PRDM16: variants seen among roughly 807,000 people sequenced by gnomAD.
The protein encoded by PRDM16 is histone-lysine N-methyltransferase PRDM16.
PRDM16 carries 23 observed loss-of-function variants against 110.6 expected under a neutral mutation model. The ratio of observed to expected loss-of-function variants is 0.21; its 90% CI spans 0.15 to 0.29. PRDM16 has a LOEUF of 0.29. PRDM16 is among the 10% of genes least tolerant of loss of function. The pLI is 1.00. For synonymous variants in PRDM16, 799 were observed against 781.8 expected, an observed-to-expected ratio of 1.02 and a Z score of -0.37; for missense variants, 1,615 against 1,794.3, an observed-to-expected ratio of 0.90 and a Z score of 1.81.
intron 1 of PRDM16, among the ~76,000 whole-genome samples, chr1:3,167,547 G>T (rs988705899): frequency 1.3e-5 from 2 of 151,786 alleles, no homozygotes; most frequent in Admixed American, 1.3e-4. Context: ...TCCTCCCAGC[G>T]CCTCTGTGGC....
At chr1:3,315,797 A>T (rs1042338175) in intron 3 of PRDM16, among the ~76,000 whole-genome samples, 1 of 152,152 alleles carries the variant, frequency 6.6e-6, no homozygotes, top group Admixed American at 6.5e-5. Flanking sequence ...TTTGCTGGCC[A>T]CCAATCGGAG....
intron 9 of PRDM16, 86 bp from the exon 10 acceptor site, chr1:3,414,474 A>G: frequency 1.0e-6 from 1 of 972,898 alleles, no homozygotes; most frequent in Non-Finnish European, 1.6e-6. Context: ...GTATATGGTC[A>G]GGCGGGGTGG....
At chr1:3,102,259 C>T (rs1288612020) in intron 1 of PRDM16, among the ~76,000 whole-genome samples, 1 of 152,174 alleles carries the variant, frequency 6.6e-6, no homozygotes, top group Admixed American at 6.5e-5. Flanking sequence ...GGAGGGGACT[C>T]AGGGGAGGGA....
At chr1:3,408,515 CGTGT>C (rs199502546) in intron 8 of PRDM16, among the ~76,000 whole-genome samples, 12 of 148,750 alleles carry the variant, frequency 8.1e-5, no homozygotes, top group East Asian at 5.9e-4. Context: ...TGCACCGGTG[CGTGT>C]GTGTGTGAGA....
intron 1 of PRDM16, among the ~76,000 whole-genome samples, chr1:3,092,096 G>A (rs1642290127): frequency 6.8e-6 from 1 of 148,038 alleles, no homozygotes; most frequent in Non-Finnish European, 1.5e-5. Context: ...TGCTCCCTGG[G>A]CCCCCATGTC....
In PRDM16 at chr1:3,131,100, C is replaced by T. The variant is rs1011827177; in HGVS notation, c.38-55025C>T. Among the ~76,000 whole-genome samples the T allele has an allele frequency of 6.6e-5, 10 of 152,244 alleles. No homozygotes were observed. The East Asian group carries it at 1.9e-3, about 29-fold the overall frequency. ...CGCCATGGTGTGTGGCTGGCTCTGCCCTTGGCTTCCTCCGAGCTGTGCCGC... is the reference window on the plus strand; with the variant it reads ...CGCCATGGTGTGTGGCTGGCTCTGCTCTTGGCTTCCTCCGAGCTGTGCCGC... On this transcript the variant is annotated intron_variant, in intron 1 of 16. Coordinates refer to ENST00000270722, the MANE Select transcript of PRDM16 (RefSeq NM_022114.4).
chr1:3,113,235 C>T (rs1399564485), intron 1 of PRDM16, among the ~76,000 whole-genome samples: 2 of 152,210 alleles, frequency 1.3e-5, no homozygotes, highest in African/African-American at 4.8e-5. Flanking sequence ...AGCCCGTCTG[C>T]GGTGGCCTGG....
intron 6 of PRDM16, among the ~76,000 whole-genome samples, 182 bp from the exon 7 acceptor site, chr1:3,404,557 C>T (rs1026948203): frequency 5.3e-5 from 8 of 152,224 alleles, no homozygotes; most frequent in Admixed American, 4.6e-4. Context: ...GCCGCCTCTG[C>T]CCCTCACAGC....
At chr1:3,234,377 A>G (rs946865006) in intron 2 of PRDM16, among the ~76,000 whole-genome samples, 7 of 152,134 alleles carry the variant, frequency 4.6e-5, no homozygotes, top group Admixed American at 1.3e-4. Context: ...TCCCCGCCCC[A>G]GCAGCTCAGG....
intron 1 of PRDM16, among the ~76,000 whole-genome samples, chr1:3,127,172 C>T (rs1643226351): frequency 6.6e-6 from 1 of 152,264 alleles, no homozygotes. Context: ...GATTTCAGCA[C>T]TGTGCTTTCT....
At chr1:3,247,767 G>T (rs1002171631) in intron 3 of PRDM16, among the ~76,000 whole-genome samples, 69 of 152,226 alleles carry the variant, frequency 4.5e-4, no homozygotes, top group Non-Finnish European at 8.4e-4. Flanking sequence ...GTCCTGGTGC[G>T]CCCTGGGCGC....
intron 1 of PRDM16, among the ~76,000 whole-genome samples, chr1:3,169,792 C>T (rs1021470863): frequency 6.6e-6 from 1 of 152,196 alleles, no homozygotes. Flanking sequence ...GCCCCTGGTT[C>T]CCCCCGAGCC....
rs887371195 is a variant in PRDM16 at position 3,425,513 on chromosome 1, A to C, written c.2940-68A>C. On this transcript the variant is annotated intron_variant, in intron 12 of 16. Transcript: ENST00000270722. The surrounding 1 kb of genome is among the most constrained non-coding windows in gnomAD (Gnocchi z 6.9). ...CAGGGGCGCGGGCTCCCTTCCCCCC[A>C]CCCTCTGTGGCCCGGCCTGCCATGC... 5 of 1,521,582 alleles carry C rather than the reference A, an allele frequency of 3.3e-6. No homozygotes were observed. The highest frequency in any genetic ancestry group is 1.9e-5 in the Admixed American group (1 of 53,764). The allele number at this position is 1,521,582 out of a possible 1,614,324, so 94.3% of individuals were successfully genotyped here. A position where few individuals can be genotyped will look rare whatever the true frequency, so the allele number is the denominator to read the frequency against.
At chr1:3,071,522 GC>G (rs1200997797) in intron 1 of PRDM16, among the ~76,000 whole-genome samples, 1 of 152,234 alleles carries the variant, frequency 6.6e-6, no homozygotes, top group Non-Finnish European at 1.5e-5. Flanking sequence ...CTTGTCCCAG[GC>G]CCCCCAAGGT....
intron 2 of PRDM16, among the ~76,000 whole-genome samples, chr1:3,199,280 CG>C (rs35372326): frequency 0.39 from 58,551 of 152,028 alleles, 17,478 homozygotes; most frequent in African/African-American, 0.81. Context: ...CCCCAAAGAG[CG>C]GTGGGGGTCT....
At chr1:3,234,944 C>G (rs1272074332) in intron 2 of PRDM16, among the ~76,000 whole-genome samples, 1 of 152,260 alleles carries the variant, frequency 6.6e-6, no homozygotes, top group Non-Finnish European at 1.5e-5. Context: ...CTTTTCCAGG[C>G]TGCAGGGCTC....
rs140393533 is a variant in PRDM16, at chr1:3,263,275, G to A, written c.438+19138G>A. 9.3e-3 allele frequency among the ~76,000 whole-genome samples: 1,410 copies of A among 152,240 alleles called. 16 individuals carry two copies. The highest frequency in any genetic ancestry group is 0.021 in the Admixed American group (322 of 15,296). ...GGACACTGTGTCTAAGGCTCTCCCC[G>A]CCCCGCCCGGCTTTGTCAAAGGCCT... On this transcript the variant is annotated intron_variant, in intron 3 of 16. Coordinates refer to ENST00000270722, the MANE Select transcript of PRDM16 (RefSeq NM_022114.4).
chr1:3,422,855 G>A (rs1638477618), intron 12 of PRDM16, among the ~76,000 whole-genome samples: 1 of 152,228 alleles, frequency 6.6e-6, no homozygotes, highest in Non-Finnish European at 1.5e-5. Flanking sequence ...ACTGGGCTGT[G>A]GGAGGAGACG....
chr1:3,248,955 A>G lies in PRDM16; in HGVS notation c.438+4818A>G, dbSNP rs147752159. Among the ~76,000 whole-genome samples the G allele has an allele frequency of 2.5e-3, 381 of 152,274 alleles. 2 individuals carry two copies. Among genetic ancestry groups the G allele is most frequent in the African/African-American group, 8.4e-3 (350 of 41,546 alleles). ...CTGAGCCCAGGAAGTTGGGAGCGAG[A>G]CAGACAGGCAACTGCTAAGTGTCTT... On this transcript the variant is annotated intron_variant, in intron 3 of 16. Transcript: ENST00000270722.
Sources: gnomAD v4.1 joint callset for allele counts (sites outside exome capture counted in the v4.1 genomes callset) on GRCh38, gnomAD v4.1.1 for gene constraint, Gnocchi (gnomAD v3.1) non-coding constraint, MANE v1.5 for transcripts, NCBI Gene and HGNC (gene_info 2026-07-23, HGNC 2026-07-21) for gene names.